SLC44A5: variants seen among roughly 807,000 people sequenced by gnomAD.
SLC44A5 encodes the protein choline transporter-like protein 5.
A neutral mutation model predicts 101.8 loss-of-function variants in SLC44A5; 57 were observed. The ratio of observed to expected loss-of-function variants is 0.56; its 90% CI spans 0.45 to 0.70. The LOEUF (loss-of-function observed/expected upper bound fraction) is 0.70, where lower values mean the gene tolerates loss of function less well. SLC44A5 is among the 30% of genes least tolerant of loss of function. The pLI is 0.00. For missense variants in SLC44A5, 737 were observed against 853.1 expected, an observed-to-expected ratio of 0.86 and a Z score of 1.70; for synonymous variants, 281 against 290.9, an observed-to-expected ratio of 0.97 and a Z score of 0.35.
At chr1:75,618,704 A>G in the SLC44A5 span, among the ~76,000 whole-genome samples, 31 of 152,174 alleles carry the variant, frequency 2.0e-4, no homozygotes, top group Non-Finnish European at 8.8e-5. Context: ...AGATGTTACT[A>G]TACTGAATAT....
chr1:75,662,517 C>T, the SLC44A5 span, among the ~76,000 whole-genome samples: 91,287 of 151,844 alleles, frequency 0.6, 28,673 homozygotes, highest in African/African-American at 0.71. Flanking sequence ...ATATGGAATG[C>T]TCCCAACACA....
chr1:75,444,315 A>G, intron 2 of SLC44A5, among the ~76,000 whole-genome samples: 1 of 136,072 alleles, frequency 7.3e-6, no homozygotes, highest in East Asian at 2.1e-4. Flanking sequence ...AAACTCTGTC[A>G]AAAAAAAAAA....
At chr1:75,326,818 C>T (rs1450567194) in intron 4 of SLC44A5, among the ~76,000 whole-genome samples, 2 of 151,978 alleles carry the variant, frequency 1.3e-5, no homozygotes, top group South Asian at 2.1e-4. Context: ...ATGGTTGCAA[C>T]TTTAGCTCCA....
chr1:75,220,379 T>G (rs1570390646), intron 14 of SLC44A5, among the ~76,000 whole-genome samples: 1 of 152,234 alleles, frequency 6.6e-6, no homozygotes, highest in South Asian at 2.1e-4. Context: ...TATTAGAAAT[T>G]TCTTCATTAT....
At chr1:75,389,078 CA>C (rs931969001) in intron 3 of SLC44A5, among the ~76,000 whole-genome samples, 3 of 151,384 alleles carry the variant, frequency 2.0e-5, no homozygotes, top group Admixed American at 6.6e-5. Flanking sequence ...GAAAAAAAGA[CA>C]AAAAAAGGGT....
At chr1:75,222,535 A>T in intron 13 of SLC44A5, 75 bp from the exon 14 acceptor site, 3 of 834,064 alleles carry the variant, frequency 3.6e-6, no homozygotes, top group Non-Finnish European at 5.9e-6. Flanking sequence ...AAATGCTAGG[A>T]TTGAACTTTA....
At chr1:75,322,242 G>A (rs1217388900) in intron 4 of SLC44A5, among the ~76,000 whole-genome samples, 4 of 152,182 alleles carry the variant, frequency 2.6e-5, no homozygotes, top group South Asian at 4.1e-4. Flanking sequence ...AACCCAGAAG[G>A]TGGAGGTTGC....
chr1:75,702,820 A>G, the SLC44A5 span, among the ~76,000 whole-genome samples: 1 of 152,164 alleles, frequency 6.6e-6, no homozygotes, highest in African/African-American at 2.4e-5. Context: ...CGAGAAAAAA[A>G]CAAACAACCC....
At chr1:75,604,116 T>C (rs1300085179) in intron 1 of SLC44A5, among the ~76,000 whole-genome samples, 2 of 152,032 alleles carry the variant, frequency 1.3e-5, no homozygotes, top group African/African-American at 4.8e-5. Flanking sequence ...GTGTTTCCTA[T>C]GTTTTCTTCT....
chr1:75,378,060 G>T lies in SLC44A5; in HGVS notation c.52+18523C>A, dbSNP rs1362241089. On this transcript the variant is annotated intron_variant, in intron 3 of 23. Transcript: ENST00000370859. ...GGGGCAACCCACCCCTACATCTGGT[G>T]CCCAACGTGGAGGCTTTTCTCTAGG... Among the ~76,000 whole-genome samples the T allele has an allele frequency of 2.5e-5, 2 of 79,544 alleles. 1 individual carries two copies. Among genetic ancestry groups the T allele is most frequent in the Non-Finnish European group, 4.3e-5 (2 of 46,298 alleles). The allele number at this position is 79,544 out of a possible 152,430, so 52.2% of individuals were successfully genotyped here.
At chr1:75,670,035 G>A in the SLC44A5 span, among the ~76,000 whole-genome samples, 1 of 152,240 alleles carries the variant, frequency 6.6e-6, no homozygotes, top group Non-Finnish European at 1.5e-5. Flanking sequence ...ATAATCCCCA[G>A]CCTGAAGGAG....
chr1:75,299,175 GTAC>G (rs1369898607), intron 5 of SLC44A5, among the ~76,000 whole-genome samples: 8 of 152,268 alleles, frequency 5.3e-5, no homozygotes, highest in Admixed American at 2.0e-4. Context: ...ATTACATATT[GTAC>G]TACAACTTCA....
At chr1:75,523,335 T>C (rs984217759) in intron 2 of SLC44A5, among the ~76,000 whole-genome samples, 3 of 152,114 alleles carry the variant, frequency 2.0e-5, no homozygotes, top group Admixed American at 6.5e-5. Context: ...TATCTACCAT[T>C]TCTGTTATGT....
intron 1 of SLC44A5, among the ~76,000 whole-genome samples, chr1:75,610,176 T>C (rs58925174): frequency 0.022 from 2,350 of 107,896 alleles, 60 homozygotes; most frequent in African/African-American, 0.072. Context: ...CACACACACA[T>C]AGTGAAGTCT....
chr1:75,499,252 T>G (rs1042996382), intron 2 of SLC44A5, among the ~76,000 whole-genome samples: 1 of 152,152 alleles, frequency 6.6e-6, no homozygotes, highest in Non-Finnish European at 1.5e-5. Flanking sequence ...AAGGGAGTGG[T>G]TTGGTAGTTT....
At chr1:75,423,437 C>T (rs1664130709) in intron 2 of SLC44A5, among the ~76,000 whole-genome samples, 1 of 152,144 alleles carries the variant, frequency 6.6e-6, no homozygotes, top group Non-Finnish European at 1.5e-5. Context: ...TAAACTATTG[C>T]TTGGCCCTTG....
At chr1:75,528,476 T>C (rs548479560) in intron 2 of SLC44A5, among the ~76,000 whole-genome samples, 113 of 152,306 alleles carry the variant, frequency 7.4e-4, no homozygotes, top group Non-Finnish European at 1.2e-3. Flanking sequence ...TAACGTCTAG[T>C]GCACCAAACA....
At chr1:75,485,545 A>G (rs75065826) in intron 2 of SLC44A5, among the ~76,000 whole-genome samples, 2,838 of 152,280 alleles carry the variant, frequency 0.019, 48 homozygotes, top group Non-Finnish European at 0.031. Flanking sequence ...AGTCTCTAGG[A>G]AGTTCCAAAC....
At chr1:75,258,855 G>GA (rs1187083537) in intron 6 of SLC44A5, among the ~76,000 whole-genome samples, 14 of 45,706 alleles carry the variant, frequency 3.1e-4, no homozygotes, top group African/African-American at 1.6e-3. Flanking sequence ...TGGCCATTCT[G>GA]CGATTCTGCC....
Sources: allele counts gnomAD v4.1 joint callset (sites outside exome capture counted in the v4.1 genomes callset), GRCh38; gene constraint gnomAD v4.1.1; transcripts MANE v1.5; gene names NCBI Gene and HGNC (gene_info 2026-07-23, HGNC 2026-07-21).